SIRT4: variants seen among roughly 807,000 people sequenced by gnomAD.
The protein encoded by SIRT4 is NAD-dependent protein lipoamidase sirtuin-4, mitochondrial.
SIRT4 carries 23 observed loss-of-function variants against 26.1 expected under a neutral mutation model. The observed-to-expected ratio is 0.88, with a 90% CI of 0.63 to 1.25. The LOEUF (loss-of-function observed/expected upper bound fraction) is 1.25, where lower values mean the gene tolerates loss of function less well. Among genes scored for constraint, SIRT4 ranks in the 50% most tolerant of loss-of-function variants. The probability of loss-of-function intolerance (pLI) is 0.00; values close to 1 mark genes in which losing one functional copy is unlikely to be tolerated. For missense variants in SIRT4, 361 were observed against 405.4 expected (o/e 0.89, Z 0.94); for synonymous variants, 155 against 158.4 (o/e 0.98, Z 0.16).
Position 120,303,736 on chromosome 12 carries a change from G to C in SIRT4, c.175G>C (p.Val59Leu), listed in dbSNP as rs1393162430. Residue 59 changes from valine (V) to leucine (L), a missense_variant, in exon 2 of 4, where the codon GTG (valine) becomes CTG (leucine). Coordinates refer to ENST00000202967, the MANE Select transcript of SIRT4 (RefSeq NM_012240.3). ...RFITLSKRLLVMTGAGISTES... is the reference protein window; with the variant it reads ...RFITLSKRLLLMTGAGISTES... ...CATCACCCTTTCCAAGAGACTCCTT[G>C]TGATGACTGGGGCAGGAATCTCCAC... The C allele has an allele frequency of 6.2e-7, 1 of 1,613,998 alleles. No individual in the cohort carries two copies. Among genetic ancestry groups the C allele is most frequent in the East Asian group, 2.2e-5 (1 of 44,900 alleles).
the SIRT4 span, among the ~76,000 whole-genome samples, chr12:120,295,233 A>G: frequency 1.1e-5 from 1 of 92,466 alleles, no homozygotes; most frequent in Admixed American, 1.2e-4. Context: ...TTTTTTTTTG[A>G]GACTGAGTTT....
chr12:120,311,992 A>G (rs1354187123), intron 2 of SIRT4, among the ~76,000 whole-genome samples: 1 of 151,406 alleles, frequency 6.6e-6, no homozygotes, highest in East Asian at 2.0e-4. Flanking sequence ...TATAGGAAGG[A>G]AATTGATGGG....
upstream of SIRT4, among the ~76,000 whole-genome samples, chr12:120,300,798 C>T (rs1259400431): frequency 2.6e-5 from 4 of 152,084 alleles, no homozygotes; most frequent in African/African-American, 9.7e-5. Flanking sequence ...CTTCAAGGTC[C>T]CTGCTGGCCG....
intron 2 of SIRT4, among the ~76,000 whole-genome samples, chr12:120,309,658 C>CT (rs1233689178): frequency 1.3e-5 from 2 of 151,496 alleles, no homozygotes; most frequent in Non-Finnish European, 2.9e-5. Context: ...GGTGATCTGC[C>CT]TGCCTTGGCC....
chr12:120,294,864 G>A, the SIRT4 span, among the ~76,000 whole-genome samples: 1 of 138,350 alleles, frequency 7.2e-6, no homozygotes, highest in African/African-American at 2.7e-5. Context: ...GTCTCGCTCT[G>A]TTGCCCAAGC....
chr12:120,304,831 ATATATTTT>A (rs1296820196), intron 2 of SIRT4, among the ~76,000 whole-genome samples: 15 of 5,606 alleles, frequency 2.7e-3, no homozygotes, highest in South Asian at 0.025. Flanking sequence ...ATATATATAT[ATATATTTT>A]TTTTTTTTTT....
At chr12:120,298,100 G>A (rs754724350), upstream of SIRT4, among the ~76,000 whole-genome samples, 14 of 148,814 alleles carry the variant, frequency 9.4e-5, no homozygotes, top group Non-Finnish European at 1.6e-4. Context: ...GGAGGCTGAG[G>A]CAGGAGAATC....
the SIRT4 span, chr12:120,293,195 C>T: frequency 1.8e-4 from 27 of 152,266 alleles, no homozygotes; most frequent in African/African-American, 5.3e-4. Context: ...AATCGCGCCT[C>T]GGATAGACCT....
chr12:120,295,455 T>A, the SIRT4 span, among the ~76,000 whole-genome samples: 1 of 140,070 alleles, frequency 7.1e-6, no homozygotes, highest in South Asian at 2.2e-4. Context: ...AGAGACGGGG[T>A]TTCTCCATGT....
the SIRT4 span, among the ~76,000 whole-genome samples, chr12:120,297,276 A>C: frequency 6.6e-6 from 1 of 150,412 alleles, no homozygotes; most frequent in Admixed American, 6.7e-5. Flanking sequence ...AATAAAATAA[A>C]TAAATAATGG....
At chr12:120,297,699 C>T (rs184730359), upstream of SIRT4, among the ~76,000 whole-genome samples, 1 of 152,154 alleles carries the variant, frequency 6.6e-6, no homozygotes, top group African/African-American at 2.4e-5. Flanking sequence ...ATAGAATTCC[C>T]AACCAATCTC....
At chr12:120,295,419 ATTTT>A in the SIRT4 span, among the ~76,000 whole-genome samples, 1 of 81,348 alleles carries the variant, frequency 1.2e-5, no homozygotes, top group African/African-American at 4.2e-5. Flanking sequence ...TATATAGATA[ATTTT>A]TTTTTTTTTT....
intron 1 of SIRT4, among the ~76,000 whole-genome samples, chr12:120,303,033 A>G (rs1566462340): frequency 6.6e-6 from 1 of 151,682 alleles, no homozygotes; most frequent in African/African-American, 2.4e-5. Context: ...CTCTATTGTT[A>G]CAGCTAGAAA....
intron 2 of SIRT4, among the ~76,000 whole-genome samples, chr12:120,304,831 ATATATTTTT>A (rs1419659305): frequency 7.1e-4 from 4 of 5,608 alleles, no homozygotes; most frequent in African/African-American, 2.0e-3. Context: ...ATATATATAT[ATATATTTTT>A]TTTTTTTTTT....
At chr12:120,292,388 G>C in the SIRT4 span, among the ~76,000 whole-genome samples, 1 of 152,128 alleles carries the variant, frequency 6.6e-6, no homozygotes, top group African/African-American at 2.4e-5. Context: ...GGATCACGAG[G>C]TCAGGAGTTC....
At chr12:120,305,928 C>G (rs1432811643) in intron 2 of SIRT4, among the ~76,000 whole-genome samples, 2 of 150,550 alleles carry the variant, frequency 1.3e-5, no homozygotes, top group African/African-American at 4.9e-5. Context: ...AGGAGAATGG[C>G]GTGAACCTGG....
chr12:120,301,837 G>A (rs1872560728), upstream of SIRT4, among the ~76,000 whole-genome samples: 1 of 152,118 alleles, frequency 6.6e-6, no homozygotes. Context: ...ACTTTGGGAG[G>A]TCAAGGCGTG....
Position 120,313,007 on chromosome 12 carries a change from G to A in SIRT4, c.916G>A (p.Glu306Lys). Residue 306 changes from glutamate (E) to lysine (K), a missense_variant, in exon 4 of 4, where the codon GAG (glutamate) becomes AAG (lysine). By Grantham distance (56) the Glu-to-Lys change is moderately conservative. Coordinates refer to ENST00000202967, the MANE Select transcript of SIRT4 (RefSeq NM_012240.3). ...TCTGAAACTGAATTCTCGTTGTGGA[G>A]AGTTGCTGCCTTTGATAGACCCATG... ...ACLKLNSRCG[E>K]LLPLIDPC The A allele has an allele frequency of 6.2e-7, 1 of 1,614,168 alleles. No individual in the cohort carries two copies. The highest frequency in any genetic ancestry group is 8.5e-7 in the Non-Finnish European group (1 of 1,180,042).
the SIRT4 span, among the ~76,000 whole-genome samples, chr12:120,292,262 TG>T: frequency 2.0e-5 from 3 of 151,004 alleles, no homozygotes; most frequent in Admixed American, 6.6e-5. Flanking sequence ...AACAGCAGGG[TG>T]GGGGGAGTTG....
Sources: allele counts gnomAD v4.1 joint callset (sites outside exome capture counted in the v4.1 genomes callset), GRCh38; gene constraint gnomAD v4.1.1; transcripts MANE v1.5; gene names NCBI Gene and HGNC (gene_info 2026-07-23, HGNC 2026-07-21).